GSE1: variants seen among roughly 807,000 people sequenced by gnomAD.
The protein encoded by GSE1 is genetic suppressor element 1.
GSE1 carries 32 observed loss-of-function variants against 112.6 expected under a neutral mutation model. The ratio of observed to expected loss-of-function variants is 0.28; its 90% CI spans 0.21 to 0.38. The LOEUF (loss-of-function observed/expected upper bound fraction) is 0.38. Among genes scored for constraint, GSE1 ranks in the 10% least tolerant of loss-of-function variants. GSE1 has a pLI of 1.00. For synonymous variants in GSE1, 1,115 were observed against 735.6 expected, an observed-to-expected ratio of 1.52 and a Z score of -8.35; for missense variants, 2,348 against 1,699.2, an observed-to-expected ratio of 1.38 and a Z score of -6.71.
At position 85,649,085 on chromosome 16, in the gene GSE1, G is replaced by A. The variant is rs958286386; in HGVS notation, c.426+334G>A. ...CCCCAGAGGCCTCTCCTGGGTTGCC[G>A]GTGGCTGCCTTCTCCCTGGGTCGTC... On this transcript the variant is annotated intron_variant, in intron 3 of 15. Transcript: ENST00000253458. Among the ~76,000 whole-genome samples, 10 of 152,296 alleles carry A rather than the reference G, an allele frequency of 6.6e-5. 1 individual carries two copies. The highest frequency in any genetic ancestry group is 4.1e-4 in the South Asian group (2 of 4,826).
intron 1 of GSE1, among the ~76,000 whole-genome samples, chr16:85,616,966 C>CT (rs920048634): frequency 1.2e-4 from 19 of 152,314 alleles, no homozygotes; most frequent in African/African-American, 4.6e-4. Context: ...ACTCGGGGGC[C>CT]TTTTAATCTT....
At chr16:85,589,269 A>C (rs1164132045) in intron 1 of GSE1, among the ~76,000 whole-genome samples, 3 of 151,650 alleles carry the variant, frequency 2.0e-5, no homozygotes, top group Non-Finnish European at 4.4e-5. Context: ...TGGGGTGGGG[A>C]GGGTTTGTGG....
intron 1 of GSE1, among the ~76,000 whole-genome samples, chr16:85,567,034 G>GCCACCA (rs2045781377): frequency 1.4e-5 from 2 of 146,612 alleles, no homozygotes; most frequent in South Asian, 4.4e-4. Flanking sequence ...TGTTACTCCC[G>GCCACCA]CCCCCACCCC....
At chr16:85,508,564 C>G (rs2051621624) in intron 2 of GSE1, among the ~76,000 whole-genome samples, 2 of 152,178 alleles carry the variant, frequency 1.3e-5, no homozygotes, top group African/African-American at 4.8e-5. Context: ...CTCCAGCCGT[C>G]CACCCCCTCA....
chr16:85,239,131 C>G (rs1007245484), intron 1 of GSE1, among the ~76,000 whole-genome samples: 4 of 152,178 alleles, frequency 2.6e-5, no homozygotes, highest in Non-Finnish European at 2.9e-5. Flanking sequence ...GAGGTTTCAC[C>G]ATGTTGGCCA....
intron 1 of GSE1, among the ~76,000 whole-genome samples, chr16:85,280,118 C>T (rs1412828317): frequency 6.6e-6 from 1 of 152,210 alleles, no homozygotes; most frequent in Non-Finnish European, 1.5e-5. Context: ...CTCCAGAGTG[C>T]ATGCTGTTTC....
At chr16:85,644,895 A>T (rs2050727934) in intron 2 of GSE1, among the ~76,000 whole-genome samples, 3 of 151,192 alleles carry the variant, frequency 2.0e-5, no homozygotes, top group Non-Finnish European at 2.9e-5. Flanking sequence ...CCTAGTTTTT[A>T]TTTTTTTTCC....
intron 1 of GSE1, chr16:85,285,658 G>T (rs2044999969): frequency 6.6e-6 from 1 of 151,292 alleles, no homozygotes; most frequent in Non-Finnish European, 1.5e-5. Flanking sequence ...CTCCAGCCTG[G>T]GCGACAAGAG....
At chr16:85,472,646 G>A (rs1049052919) in intron 2 of GSE1, among the ~76,000 whole-genome samples, 22 of 152,364 alleles carry the variant, frequency 1.4e-4, no homozygotes, top group African/African-American at 3.4e-4. Flanking sequence ...CTCAGGACCC[G>A]GTCTGGCCTC....
At chr16:85,516,890 C>T (rs1274406803) in intron 2 of GSE1, among the ~76,000 whole-genome samples, 2 of 152,078 alleles carry the variant, frequency 1.3e-5, no homozygotes, top group African/African-American at 2.4e-5. Flanking sequence ...CTCCGCCTCC[C>T]GGGTTCACGC....
At chr16:85,667,614 T>G (rs140763952) in intron 13 of GSE1, among the ~76,000 whole-genome samples, 203 of 152,254 alleles carry the variant, frequency 1.3e-3, no homozygotes, top group African/African-American at 4.8e-3. Context: ...TTCCAGCACT[T>G]TAGGAGGCCA....
intron 14 of GSE1, among the ~76,000 whole-genome samples, chr16:85,668,847 C>T (rs2152005179): frequency 6.6e-6 from 1 of 152,362 alleles, no homozygotes; most frequent in East Asian, 1.9e-4. Flanking sequence ...GCAAGGATTG[C>T]TCTGTGGCCG....
chr16:85,555,803 T>G (rs2045178307), upstream of GSE1: 34 of 950,550 alleles, frequency 3.6e-5, no homozygotes, highest in Non-Finnish European at 4.3e-5. Flanking sequence ...TCCTGGGGGC[T>G]GTTTTTTTTT....
At chr16:85,582,713 C>T (rs568234196) in intron 1 of GSE1, among the ~76,000 whole-genome samples, 11 of 152,146 alleles carry the variant, frequency 7.2e-5, no homozygotes, top group Admixed American at 5.2e-4. Flanking sequence ...TTCAGGGCGT[C>T]GGGGTGGGGA....
intron 1 of GSE1, among the ~76,000 whole-genome samples, chr16:85,330,624 C>T (rs1239102809): frequency 6.6e-6 from 1 of 152,194 alleles, no homozygotes; most frequent in Non-Finnish European, 1.5e-5. Flanking sequence ...ATCCAGGAAG[C>T]GTGCAGGTGG....
At chr16:85,292,485 C>T (rs764661494) in intron 1 of GSE1, among the ~76,000 whole-genome samples, 1 of 152,102 alleles carries the variant, frequency 6.6e-6, no homozygotes, top group Non-Finnish European at 1.5e-5. Flanking sequence ...CGTGCCACCA[C>T]GTCCAGCTAA....
At chr16:85,334,670 A>C (rs957925985) in intron 1 of GSE1, among the ~76,000 whole-genome samples, 3 of 152,086 alleles carry the variant, frequency 2.0e-5, no homozygotes, top group African/African-American at 7.2e-5. Flanking sequence ...GAGGGAAGCC[A>C]TTTTTCTTCC....
chr16:85,324,624 G>C (rs544860778), intron 1 of GSE1, among the ~76,000 whole-genome samples: 7 of 152,276 alleles, frequency 4.6e-5, no homozygotes, highest in African/African-American at 1.7e-4. Context: ...CAGCACAGAA[G>C]CTGTCAGTTG....
At chr16:85,473,663 A>G (rs2050364073) in intron 2 of GSE1, among the ~76,000 whole-genome samples, 1 of 152,204 alleles carries the variant, frequency 6.6e-6, no homozygotes, top group Non-Finnish European at 1.5e-5. Context: ...CAGATAATCC[A>G]GGACCACCTC....
Sources: allele counts gnomAD v4.1 joint callset (sites outside exome capture counted in the v4.1 genomes callset), GRCh38; gene constraint gnomAD v4.1.1; transcripts MANE v1.5; gene names NCBI Gene and HGNC (gene_info 2026-07-23, HGNC 2026-07-21).